Variants in SHISA6 observed in about 807,000 individuals in gnomAD.
The protein encoded by SHISA6 is protein shisa-6.
Under a neutral mutation model 47.9 loss-of-function variants are expected in SHISA6, and 22 were observed. The ratio of observed to expected loss-of-function variants is 0.46; its 90% CI spans 0.33 to 0.66. The LOEUF (loss-of-function observed/expected upper bound fraction) is 0.66. Ranked by LOEUF, SHISA6 falls within the 30% of genes least tolerant of loss-of-function variation. SHISA6 has a pLI of 0.02. For missense variants in SHISA6, 680 were observed against 764.6 expected (o/e 0.89, Z 1.30); for synonymous variants, 388 against 337.8 (o/e 1.15, Z -1.63).
intron 2 of SHISA6, among the ~76,000 whole-genome samples, chr17:11,341,328 CTTTTTTTTTT>C (rs71367322): frequency 3.9e-4 from 35 of 88,818 alleles, no homozygotes; most frequent in Non-Finnish European, 4.0e-4. Flanking sequence ...CTCTCTCTCT[CTTTTTTTTTT>C]TTTTTTTTTT....
intron 2 of SHISA6, among the ~76,000 whole-genome samples, chr17:11,316,455 C>T (rs1218446921): frequency 8.0e-6 from 1 of 125,390 alleles, no homozygotes; most frequent in East Asian, 2.5e-4. Context: ...GAGTCTTGCT[C>T]TGTCGCCTAG....
At chr17:11,421,592 C>A (rs1176654193) in intron 3 of SHISA6, among the ~76,000 whole-genome samples, 2 of 152,156 alleles carry the variant, frequency 1.3e-5, no homozygotes, top group Non-Finnish European at 1.5e-5. Flanking sequence ...GGGAAGTGTG[C>A]AAGCTTTGAG....
chr17:11,465,877 C>T (rs1240400788), intron 3 of SHISA6, among the ~76,000 whole-genome samples: 1 of 152,194 alleles, frequency 6.6e-6, no homozygotes, highest in Non-Finnish European at 1.5e-5. Flanking sequence ...GAAGACACAC[C>T]TTTTTGAGAA....
At chr17:11,433,768 C>T (rs1914857688) in intron 3 of SHISA6, among the ~76,000 whole-genome samples, 1 of 152,102 alleles carries the variant, frequency 6.6e-6, no homozygotes, top group Non-Finnish European at 1.5e-5. Flanking sequence ...TAAGAGAGAC[C>T]TGATGGATTG....
chr17:11,492,197 G>C (rs930012321), intron 3 of SHISA6, among the ~76,000 whole-genome samples: 1 of 152,180 alleles, frequency 6.6e-6, no homozygotes, highest in African/African-American at 2.4e-5. Flanking sequence ...AGTCAAAGAA[G>C]GATGAGGAGG....
intron 2 of SHISA6, among the ~76,000 whole-genome samples, chr17:11,301,409 G>T (rs769780219): frequency 3.3e-5 from 5 of 152,112 alleles, no homozygotes; most frequent in Non-Finnish European, 7.4e-5. Context: ...TTCTTTGGGG[G>T]CTCCGGGCTT....
chr17:11,400,188 G>C (rs778718977), intron 3 of SHISA6, among the ~76,000 whole-genome samples: 29 of 152,190 alleles, frequency 1.9e-4, no homozygotes, highest in Admixed American at 3.9e-4. Context: ...TCTCAGCCCT[G>C]ACCTTTTTGC....
chr17:11,277,316 A>ACACACACACACACC, intron 2 of SHISA6, among the ~76,000 whole-genome samples: 1 of 139,440 alleles, frequency 7.2e-6, no homozygotes, highest in Non-Finnish European at 1.5e-5. Flanking sequence ...ACACACACAC[A>ACACACACACACACC]CACCCCGCAT....
intron 2 of SHISA6, among the ~76,000 whole-genome samples, chr17:11,295,910 G>C (rs1909735661): frequency 6.8e-6 from 1 of 147,630 alleles, no homozygotes; most frequent in Non-Finnish European, 1.5e-5. Flanking sequence ...TTGCAAGTGA[G>C]CTGAGATCAC....
intron 3 of SHISA6, among the ~76,000 whole-genome samples, chr17:11,505,332 T>C (rs2142350385): frequency 6.6e-6 from 1 of 152,264 alleles, no homozygotes; most frequent in Non-Finnish European, 1.5e-5. Flanking sequence ...CTTTCTTGGG[T>C]TCATGGATGG....
intron 1 of SHISA6, among the ~76,000 whole-genome samples, chr17:11,253,311 G>T (rs908398210): frequency 1.4e-5 from 2 of 144,866 alleles, no homozygotes; most frequent in African/African-American, 5.0e-5. Flanking sequence ...CCTGGGCAAA[G>T]TTTTTTTTTT....
intron 2 of SHISA6, among the ~76,000 whole-genome samples, chr17:11,354,767 A>G (rs1459609017): frequency 6.6e-6 from 1 of 152,020 alleles, no homozygotes; most frequent in African/African-American, 2.4e-5. Context: ...ATCCTCAGTC[A>G]GTGATTTCCT....
Position 11,555,835 on chromosome 17 carries a change from T to A in SHISA6, c.1048T>A (p.Ser350Thr), listed in dbSNP as rs2071973327. The A allele has an allele frequency of 6.4e-7, 1 of 1,551,438 alleles. No homozygotes were observed. The highest frequency in any genetic ancestry group is 1.4e-5 in the African/African-American group (1 of 72,892). The change falls in exon 5 of 6, where the codon TCC becomes ACC. Residue 350 changes from serine to threonine, a missense_variant. This residue lies in a region of SHISA6 where 559 missense variants were observed against 674.1 expected (regional missense o/e 0.83). Coordinates refer to ENST00000441885, the MANE Select transcript of SHISA6 (RefSeq NM_207386.4). ...SFQNLAHLPPSYESAVKTNPS... is the reference protein window; with the variant it reads ...SFQNLAHLPPTYESAVKTNPS... ...CCAGAACTTGGCCCACCTGCCCCCA[T>A]CCTACGAGTCTGCAGTAAAGACCAA... is the stretch of plus-strand genomic sequence containing the variant.
Position 11,440,895 on chromosome 17 carries a change from G to T in SHISA6, c.895+61386G>T, listed in dbSNP as rs76028363. Among the ~76,000 whole-genome samples the T allele has an allele frequency of 3.3e-5, 5 of 151,994 alleles. No individual in the cohort carries two copies. The East Asian group carries it at 9.8e-4, about 30-fold the overall frequency. ...TTCCATTGAGAGATGGGAGAGAGGAGGTGGGATAAAGATAGCCTGGGACCA... is the reference window on the plus strand; with the variant it reads ...TTCCATTGAGAGATGGGAGAGAGGATGTGGGATAAAGATAGCCTGGGACCA... On this transcript the variant is annotated intron_variant, in intron 3 of 5. Transcript: ENST00000441885.
intron 2 of SHISA6, among the ~76,000 whole-genome samples, chr17:11,324,683 T>A (rs1443512011): frequency 2.0e-5 from 3 of 152,174 alleles, no homozygotes; most frequent in African/African-American, 7.2e-5. Flanking sequence ...TGATTTTTCT[T>A]CAAGCCTCTA....
chr17:11,443,838 A>G lies in SHISA6; in HGVS notation c.895+64329A>G, dbSNP rs139513678. 7.9e-3 allele frequency among the ~76,000 whole-genome samples: 1,202 copies of G among 152,314 alleles called. 21 individuals are homozygous for G. The highest frequency in any genetic ancestry group is 0.027 in the African/African-American group (1,127 of 41,568). ...TGTCTAGTCCATAGTTTAAGGCTCAATAAATATCTGCAGAATAAATACTGA... is the reference window on the plus strand; with the variant it reads ...TGTCTAGTCCATAGTTTAAGGCTCAGTAAATATCTGCAGAATAAATACTGA... On this transcript the variant is annotated intron_variant, in intron 3 of 5. Transcript: ENST00000441885.
intron 3 of SHISA6, among the ~76,000 whole-genome samples, chr17:11,515,419 T>G (rs2071578027): frequency 6.6e-6 from 1 of 151,598 alleles, no homozygotes. Context: ...ATCCCCTGAA[T>G]AGAGGAATTT....
At chr17:11,405,314 G>A (rs1233329310) in intron 3 of SHISA6, among the ~76,000 whole-genome samples, 1 of 151,970 alleles carries the variant, frequency 6.6e-6, no homozygotes, top group Non-Finnish European at 1.5e-5. Flanking sequence ...AAACCCCTGG[G>A]GCTGCTTCTG....
intron 3 of SHISA6, among the ~76,000 whole-genome samples, chr17:11,491,907 G>A (rs1383328677): frequency 6.6e-6 from 1 of 151,896 alleles, no homozygotes; most frequent in Admixed American, 6.6e-5. Context: ...GAGTAGCTGG[G>A]ATTACAGGCA....
Sources: allele counts gnomAD v4.1 joint callset (sites outside exome capture counted in the v4.1 genomes callset), GRCh38; gene constraint gnomAD v4.1.1; regional missense constraint gnomAD v4.1.1; transcripts MANE v1.5; gene names NCBI Gene and HGNC (gene_info 2026-07-23, HGNC 2026-07-21).